The following RYR2 variants were observed in gnomAD, a reference collection of about 807,000 sequenced individuals.
RYR2 encodes ryanodine receptor 2, also known as cardiac muscle ryanodine receptor-calcium release channel.
A neutral mutation model predicts 601.1 loss-of-function variants in RYR2; 227 were observed. That is an observed-to-expected ratio of 0.38 (90% CI 0.34 to 0.42). The LOEUF (loss-of-function observed/expected upper bound fraction) is 0.42, where lower values mean the gene tolerates loss of function less well. RYR2 is among the 10% of genes least tolerant of loss of function. The pLI is 1.00. For missense variants in RYR2, 4,646 were observed against 6,156.5 expected, an observed-to-expected ratio of 0.75 and a Z score of 8.21; for synonymous variants, 2,223 against 2,175.1, an observed-to-expected ratio of 1.02 and a Z score of -0.61.
chr1:237,667,820 T>C (rs1684456405), intron 57 of RYR2, 63 bp from the exon 58 acceptor site: 9 of 1,225,966 alleles, frequency 7.3e-6, no homozygotes, highest in South Asian at 5.6e-5. Flanking sequence ...TAATATTATA[T>C]ATTAGAAAGC....
At chr1:237,522,577 C>T (rs11810744) in intron 24 of RYR2, among the ~76,000 whole-genome samples, 2,768 of 152,216 alleles carry the variant, frequency 0.018, 78 homozygotes, top group African/African-American at 0.056. Context: ...TGTACTCCAC[C>T]GACCATATGT....
chr1:237,445,669 T>G, intron 14 of RYR2, 147 bp downstream of exon 14: 3 of 946,386 alleles, frequency 3.2e-6, no homozygotes, highest in Middle Eastern at 3.1e-4. Context: ...GAAGTGTTAA[T>G]GAGATGATTT....
intron 2 of RYR2, among the ~76,000 whole-genome samples, chr1:237,297,370 T>G (rs925573814): frequency 1.3e-5 from 2 of 152,182 alleles, no homozygotes; most frequent in African/African-American, 4.8e-5. Context: ...CACTCTTCAG[T>G]GTGTTTAACA....
chr1:237,716,518 C>T (rs893949145), intron 71 of RYR2, among the ~76,000 whole-genome samples: 9 of 152,008 alleles, frequency 5.9e-5, no homozygotes, highest in Non-Finnish European at 8.8e-5. Flanking sequence ...TAGATTCTGT[C>T]GTTTAAGGTG....
At chr1:237,661,151 C>G (rs773234990) in intron 56 of RYR2, among the ~76,000 whole-genome samples, 1 of 152,020 alleles carries the variant, frequency 6.6e-6, no homozygotes, top group Non-Finnish European at 1.5e-5. Flanking sequence ...ACTTTATGTA[C>G]AAGCCTTCCT....
chr1:237,701,521 T>C (rs1367976154), intron 65 of RYR2, among the ~76,000 whole-genome samples: 22 of 146,938 alleles, frequency 1.5e-4, no homozygotes, highest in Non-Finnish European at 1.2e-4. Flanking sequence ...AGAGCAAGAC[T>C]CTATCTCAAA....
chr1:237,075,836 CA>C (rs1435428718), intron 1 of RYR2, among the ~76,000 whole-genome samples: 1 of 4,756 alleles, frequency 2.1e-4, no homozygotes, highest in African/African-American at 1.5e-3. Flanking sequence ...CACAGACAAA[CA>C]AAAAGACAGC....
At chr1:237,780,486 A>G (rs750312675) in intron 88 of RYR2, among the ~76,000 whole-genome samples, 11 of 150,826 alleles carry the variant, frequency 7.3e-5, no homozygotes, top group Non-Finnish European at 1.6e-4. Flanking sequence ...GTATAGCTTC[A>G]TATGTACCAA....
chr1:237,657,926 T>C lies in RYR2; in HGVS notation c.8130-18T>C. ...ATTCTGTGAAAATCAAGCTCTTTTG[T>C]CTTTACTTTTCTCATAGTATTACAA... On this transcript the variant is annotated intron_variant, in intron 53 of 104. Transcript: ENST00000366574. 7.4e-7 allele frequency: 1 copy of C among 1,357,152 alleles called. No homozygotes were observed. Among genetic ancestry groups the C allele is most frequent in the South Asian group, 1.4e-5 (1 of 72,044 alleles). 84.1% of individuals were successfully genotyped at this position (1,357,152 alleles called of 1,614,324 possible).
chr1:237,246,649 C>T (rs950499826), intron 1 of RYR2, among the ~76,000 whole-genome samples: 1 of 152,092 alleles, frequency 6.6e-6, no homozygotes, highest in Non-Finnish European at 1.5e-5. Flanking sequence ...TTGTTGGATG[C>T]CAATTTTGTT....
intron 14 of RYR2, 43 bp from the exon 15 acceptor site, chr1:237,454,348 T>A: frequency 6.5e-7 from 1 of 1,540,212 alleles, no homozygotes; most frequent in South Asian, 1.3e-5. Flanking sequence ...ATGATAAAAT[T>A]GTGAATCACT....
At chr1:237,209,390 C>T (rs954535018) in intron 1 of RYR2, among the ~76,000 whole-genome samples, 2 of 151,786 alleles carry the variant, frequency 1.3e-5, no homozygotes, top group African/African-American at 4.8e-5. Context: ...AATGATATAA[C>T]AGGTCTTTAC....
chr1:237,268,000 G>C (rs959694769), intron 1 of RYR2, among the ~76,000 whole-genome samples: 1 of 152,092 alleles, frequency 6.6e-6, no homozygotes, highest in Non-Finnish European at 1.5e-5. Flanking sequence ...TGCCAGGATG[G>C]GCATTCACTG....
chr1:237,576,727 C>T (rs982062114), intron 29 of RYR2, among the ~76,000 whole-genome samples: 1 of 151,984 alleles, frequency 6.6e-6, no homozygotes, highest in Non-Finnish European at 1.5e-5. Context: ...TGGGGAGAAG[C>T]TATTCACAAT....
intron 100 of RYR2, among the ~76,000 whole-genome samples, chr1:237,811,551 GAATA>G (rs1218134595): frequency 6.6e-6 from 1 of 152,044 alleles, no homozygotes; most frequent in Non-Finnish European, 1.5e-5. Flanking sequence ...AAAATCTTAA[GAATA>G]AATAACTCTC....
intron 36 of RYR2, 76 bp downstream of exon 36, chr1:237,611,064 G>GT: frequency 7.9e-7 from 1 of 1,264,414 alleles, no homozygotes; most frequent in Non-Finnish European, 1.1e-6. Context: ...TCCGGTAGTG[G>GT]TGCGGGGCAG....
At chr1:237,151,864 A>G (rs188797790) in intron 1 of RYR2, among the ~76,000 whole-genome samples, 1 of 152,166 alleles carries the variant, frequency 6.6e-6, no homozygotes, top group Admixed American at 6.5e-5. Context: ...ACTTTGCTTT[A>G]AGTTCCAGGA....
intron 24 of RYR2, among the ~76,000 whole-genome samples, chr1:237,513,190 T>C (rs796265393): frequency 2.0e-5 from 3 of 152,344 alleles, no homozygotes; most frequent in African/African-American, 7.2e-5. Flanking sequence ...ATAATGGGAC[T>C]GAAATGGAAT....
At chr1:237,753,122 A>G (rs1179924829) in intron 80 of RYR2, among the ~76,000 whole-genome samples, 10 of 152,204 alleles carry the variant, frequency 6.6e-5, no homozygotes. Context: ...TTCAGAAACA[A>G]TGTAAATTCC....
Sources: gnomAD v4.1 joint callset for allele counts (sites outside exome capture counted in the v4.1 genomes callset) on GRCh38, gnomAD v4.1.1 for gene constraint, MANE v1.5 for transcripts, NCBI Gene and HGNC (gene_info 2026-07-23, HGNC 2026-07-21) for gene names.